The following C8orf34 variants were observed in gnomAD, a reference collection of about 807,000 sequenced individuals.
C8orf34 encodes chromosome 8 open reading frame 34, also known as uncharacterized protein C8orf34.
C8orf34 carries 65 observed loss-of-function variants against 68.3 expected under a neutral mutation model. The observed-to-expected ratio is 0.95, with a 90% CI of 0.78 to 1.17. The LOEUF (loss-of-function observed/expected upper bound fraction) is 1.17. C8orf34 is among the 50% of genes most tolerant of loss of function. C8orf34 has a pLI of 0.00. For missense variants in C8orf34, 664 were observed against 655.4 expected (o/e 1.01, Z -0.14); for synonymous variants, 244 against 241.2 (o/e 1.01, Z -0.11).
At chr8:68,415,728 G>A (rs1367295699) in intron 1 of C8orf34, among the ~76,000 whole-genome samples, 3 of 152,180 alleles carry the variant, frequency 2.0e-5, no homozygotes, top group African/African-American at 7.2e-5. Context: ...TTCACACAGA[G>A]TGATGCTCAA....
In C8orf34 at chr8:68,663,425, A is replaced by AT. The variant is rs752714189; in HGVS notation, c.1241+22919dup. Among the ~76,000 whole-genome samples, 52 of 152,316 alleles carry AT rather than the reference A, an allele frequency of 3.4e-4. No homozygotes were observed. In the East Asian group the frequency reaches 3.5e-3, roughly 10 times the overall value. On this transcript the variant is annotated intron_variant, in intron 8 of 13. Transcript: ENST00000518698. ...GAACTCATGAAAGGTAGAAGAGATT[A>AT]TTTTTCCCCCTCTACACATCTTGGT...
intron 4 of C8orf34, among the ~76,000 whole-genome samples, chr8:68,469,956 GTA>G (rs1383194638): frequency 2.6e-4 from 38 of 145,116 alleles, no homozygotes; most frequent in Non-Finnish European, 5.0e-4. Context: ...GTGTGTGTGT[GTA>G]TGTGTGTACA....
chr8:68,751,818 G>A (rs960688988), intron 10 of C8orf34, among the ~76,000 whole-genome samples: 12 of 151,110 alleles, frequency 7.9e-5, no homozygotes, highest in African/African-American at 1.5e-4. Flanking sequence ...TTATTATGAC[G>A]TTTGGGAAAT....
chr8:68,504,565 G>T (rs2129632822), intron 5 of C8orf34, among the ~76,000 whole-genome samples: 3 of 152,160 alleles, frequency 2.0e-5, no homozygotes, highest in Middle Eastern at 6.8e-3. Flanking sequence ...TGTCACCCAG[G>T]CTGGAGTGCA....
chr8:68,769,882 C>T (rs1039637763), intron 10 of C8orf34, among the ~76,000 whole-genome samples: 6 of 152,188 alleles, frequency 3.9e-5, no homozygotes, highest in South Asian at 2.1e-4. Context: ...AACCAGTGAG[C>T]GCGATACGTG....
At chr8:68,667,975 C>T (rs1213275738) in intron 8 of C8orf34, among the ~76,000 whole-genome samples, 1 of 151,964 alleles carries the variant, frequency 6.6e-6, no homozygotes, top group Non-Finnish European at 1.5e-5. Flanking sequence ...TAAAATTCTG[C>T]CATGAAACAT....
At chr8:68,741,549 C>G (rs995799079) in intron 10 of C8orf34, among the ~76,000 whole-genome samples, 1 of 152,110 alleles carries the variant, frequency 6.6e-6, no homozygotes, top group African/African-American at 2.4e-5. Flanking sequence ...CTAGCAAATA[C>G]TAGGTCTTAT....
At chr8:68,603,347 C>T (rs1056823474) in intron 7 of C8orf34, among the ~76,000 whole-genome samples, 2 of 152,034 alleles carry the variant, frequency 1.3e-5, no homozygotes, top group Non-Finnish European at 1.5e-5. Flanking sequence ...CTATTCCTCT[C>T]CCAGGTATAT....
intron 7 of C8orf34, among the ~76,000 whole-genome samples, chr8:68,630,932 A>C (rs1818671435): frequency 6.8e-6 from 1 of 147,206 alleles, no homozygotes; most frequent in African/African-American, 2.5e-5. Context: ...GGCATGCCCC[A>C]ACATGCCCAG....
chr8:68,713,176 G>A (rs374976392), intron 9 of C8orf34, among the ~76,000 whole-genome samples: 65 of 152,130 alleles, frequency 4.3e-4, no homozygotes, highest in African/African-American at 1.3e-3. Context: ...TAAAAGTAGC[G>A]CTAAGAGGAA....
At chr8:68,699,994 C>G (rs963165313) in intron 8 of C8orf34, among the ~76,000 whole-genome samples, 4 of 152,028 alleles carry the variant, frequency 2.6e-5, no homozygotes, top group African/African-American at 9.7e-5. Context: ...GAGGTTCTTG[C>G]GAATGAGAGA....
chr8:68,542,982 T>C (rs762857199), intron 7 of C8orf34, among the ~76,000 whole-genome samples: 2 of 152,124 alleles, frequency 1.3e-5, no homozygotes, highest in Non-Finnish European at 2.9e-5. Context: ...TTCCAAGTTG[T>C]ATTATTGCTT....
intron 4 of C8orf34, among the ~76,000 whole-genome samples, chr8:68,484,496 A>G (rs975791987): frequency 6.6e-6 from 1 of 152,118 alleles, no homozygotes; most frequent in Non-Finnish European, 1.5e-5. Flanking sequence ...TTCTTCCAAC[A>G]TATCTTCGCA....
At chr8:68,730,603 G>T (rs962224075) in intron 10 of C8orf34, among the ~76,000 whole-genome samples, 1 of 151,952 alleles carries the variant, frequency 6.6e-6, no homozygotes, top group African/African-American at 2.4e-5. Context: ...GGGAAAAAAT[G>T]GCCTGAGATG....
intron 8 of C8orf34, among the ~76,000 whole-genome samples, chr8:68,687,541 G>C (rs973876764): frequency 3.9e-5 from 6 of 152,002 alleles, no homozygotes; most frequent in Non-Finnish European, 7.4e-5. Context: ...AAATGGTGCT[G>C]GGAAAACTGG....
intron 7 of C8orf34, among the ~76,000 whole-genome samples, chr8:68,570,785 T>A (rs1816739636): frequency 6.6e-6 from 1 of 152,192 alleles, no homozygotes; most frequent in Admixed American, 6.5e-5. Context: ...ATCTAAATTT[T>A]AACAAGATCC....
At chr8:68,352,647 T>G (rs973877547) in intron 1 of C8orf34, among the ~76,000 whole-genome samples, 8 of 152,118 alleles carry the variant, frequency 5.3e-5, no homozygotes, top group African/African-American at 1.9e-4. Context: ...TTCTGGACTT[T>G]CATTCAAATT....
At chr8:68,427,769 T>G (rs1186443558) in intron 1 of C8orf34, among the ~76,000 whole-genome samples, 1 of 152,006 alleles carries the variant, frequency 6.6e-6, no homozygotes, top group Non-Finnish European at 1.5e-5. Flanking sequence ...TATTATAATT[T>G]TTCAAGATAT....
At chr8:68,559,397 C>T (rs933785339) in intron 7 of C8orf34, among the ~76,000 whole-genome samples, 1 of 152,082 alleles carries the variant, frequency 6.6e-6, no homozygotes, top group African/African-American at 2.4e-5. Context: ...TTTACATGTC[C>T]TGTAAATGAT....
Sources: gnomAD v4.1 joint callset for allele counts (sites outside exome capture counted in the v4.1 genomes callset) on GRCh38, gnomAD v4.1.1 for gene constraint, MANE v1.5 for transcripts, NCBI Gene and HGNC (gene_info 2026-07-23, HGNC 2026-07-21) for gene names.